Variants in B3GLCT observed in about 807,000 individuals in gnomAD.
B3GLCT encodes the protein beta 3-glucosyltransferase, also known as beta-1,3-glucosyltransferase.
A neutral mutation model predicts 63.4 loss-of-function variants in B3GLCT; 65 were observed. The observed-to-expected ratio is 1.03, with a 90% CI of 0.84 to 1.26. The LOEUF (loss-of-function observed/expected upper bound fraction) is 1.26. Ranked by LOEUF, B3GLCT falls within the 50% of genes most tolerant of loss-of-function variation. The pLI, the probability that B3GLCT is intolerant of heterozygous loss-of-function variation, is 0.00. For missense variants in B3GLCT, 577 were observed against 604.8 expected, an observed-to-expected ratio of 0.95 and a Z score of 0.48; for synonymous variants, 233 against 219.2, an observed-to-expected ratio of 1.06 and a Z score of -0.55.
intron 1 of B3GLCT, among the ~76,000 whole-genome samples, chr13:31,206,765 G>A (rs947885405): frequency 2.0e-5 from 3 of 151,994 alleles, no homozygotes; most frequent in Admixed American, 2.0e-4. Flanking sequence ...AAAGATGATC[G>A]GTGGTTGTTT....
chr13:31,257,044 A>G (rs968320143), intron 6 of B3GLCT, among the ~76,000 whole-genome samples: 2 of 152,220 alleles, frequency 1.3e-5, no homozygotes, highest in Non-Finnish European at 2.9e-5. Flanking sequence ...GAGTGGCTCT[A>G]TGCATAGATT....
chr13:31,324,563 A>G (rs527985744), intron 14 of B3GLCT, among the ~76,000 whole-genome samples: 61 of 152,188 alleles, frequency 4.0e-4, no homozygotes, highest in Non-Finnish European at 8.2e-4. Context: ...TCTTTTAAGA[A>G]TAATAGCAGT....
intron 2 of B3GLCT, among the ~76,000 whole-genome samples, chr13:31,220,536 A>G (rs1260519264): frequency 6.6e-6 from 1 of 152,256 alleles, no homozygotes; most frequent in Non-Finnish European, 1.5e-5. Flanking sequence ...TTTAGGAAGA[A>G]CTAAGTCTTT....
intron 13 of B3GLCT, among the ~76,000 whole-genome samples, chr13:31,319,987 A>G (rs1875255633): frequency 1.3e-5 from 2 of 151,778 alleles, no homozygotes; most frequent in South Asian, 4.2e-4. Flanking sequence ...TATTTCCTAA[A>G]TCTCTCTTCC....
At chr13:31,280,914 A>T (rs1308915240) in intron 10 of B3GLCT, among the ~76,000 whole-genome samples, 1 of 152,206 alleles carries the variant, frequency 6.6e-6, no homozygotes, top group East Asian at 1.9e-4. Context: ...GAAACTTGAG[A>T]ACTGTTACAT....
chr13:31,255,666 G>A (rs1871700973), intron 6 of B3GLCT, among the ~76,000 whole-genome samples: 1 of 152,144 alleles, frequency 6.6e-6, no homozygotes, highest in Non-Finnish European at 1.5e-5. Flanking sequence ...ACAACCATCT[G>A]ATCTTTGACA....
intron 1 of B3GLCT, among the ~76,000 whole-genome samples, chr13:31,202,861 A>G (rs9529006): frequency 0.39 from 59,030 of 152,034 alleles, 11,968 homozygotes; most frequent in East Asian, 0.51. Context: ...ATGGTAGAAG[A>G]GAAAGATAGA....
rs371904655 is a variant in B3GLCT at position 31,317,565 on chromosome 13, G to C, written c.1065-1G>C. On this transcript the variant is annotated splice_acceptor_variant, in intron 12 of 14. Coordinates refer to ENST00000343307, the MANE Select transcript of B3GLCT (RefSeq NM_194318.4). LOFTEE classifies it high-confidence loss of function. ...GATTTGTGTTCCCTTTGGCATCTCA[G>C]TATCTCCAGGCTCCAGCACTTGCTT... 3.1e-6 allele frequency: 5 copies of C among 1,613,844 alleles called. No homozygotes were observed. In the African/African-American group the frequency reaches 5.3e-5, roughly 17 times the overall value.
At chr13:31,225,768 C>T (rs1396459053) in intron 3 of B3GLCT, among the ~76,000 whole-genome samples, 1 of 152,118 alleles carries the variant, frequency 6.6e-6, no homozygotes, top group Non-Finnish European at 1.5e-5. Context: ...TTTTTTCCCC[C>T]ATCTTCGGGA....
chr13:31,316,434 T>A (rs1333423987), intron 12 of B3GLCT, among the ~76,000 whole-genome samples: 1,683 of 110,458 alleles, frequency 0.015, 54 homozygotes, highest in East Asian at 0.048. Context: ...TATATATAAA[T>A]TTTTTTTTTT....
chr13:31,252,296 A>G (rs1305377049), intron 6 of B3GLCT, among the ~76,000 whole-genome samples: 3 of 152,236 alleles, frequency 2.0e-5, no homozygotes, highest in Non-Finnish European at 4.4e-5. Flanking sequence ...GATGCTATGA[A>G]GAAACTGCAT....
chr13:31,273,093 T>C (rs1872640202), intron 8 of B3GLCT, among the ~76,000 whole-genome samples: 1 of 152,224 alleles, frequency 6.6e-6, no homozygotes, highest in Non-Finnish European at 1.5e-5. Context: ...CTTTTTTCTT[T>C]CTTTGTTTTT....
intron 10 of B3GLCT, among the ~76,000 whole-genome samples, chr13:31,278,139 A>G (rs4943296): frequency 0.62 from 94,864 of 151,876 alleles, 31,196 homozygotes; most frequent in South Asian, 0.75. Flanking sequence ...TGGAGTAGTG[A>G]TTGTTTTCAC....
chr13:31,215,721 A>G (rs1319759059), intron 2 of B3GLCT, among the ~76,000 whole-genome samples: 2 of 152,104 alleles, frequency 1.3e-5, no homozygotes, highest in East Asian at 3.9e-4. Flanking sequence ...GCCCAGTCTT[A>G]CCAAATATCT....
At chr13:31,234,633 G>A (rs1443182260) in intron 4 of B3GLCT, among the ~76,000 whole-genome samples, 3 of 152,112 alleles carry the variant, frequency 2.0e-5, no homozygotes, top group African/African-American at 2.4e-5. Context: ...GTGGCAGTGT[G>A]GGCCACAGGC....
chr13:31,310,965 G>T (rs1256486712), intron 12 of B3GLCT, among the ~76,000 whole-genome samples: 1 of 152,222 alleles, frequency 6.6e-6, no homozygotes, highest in Non-Finnish European at 1.5e-5. Context: ...TGCCTGCCAG[G>T]CTTAATGGGC....
At chr13:31,284,557 C>A in intron 10 of B3GLCT, 91 bp from the exon 11 acceptor site, 1 of 782,336 alleles carries the variant, frequency 1.3e-6, no homozygotes, top group South Asian at 1.4e-5. Context: ...TAATGTTTCT[C>A]TTCCTTTGTA....
intron 12 of B3GLCT, among the ~76,000 whole-genome samples, chr13:31,295,664 C>T (rs1268556151): frequency 6.6e-6 from 1 of 152,206 alleles, no homozygotes; most frequent in Admixed American, 6.5e-5. Flanking sequence ...TGCCCCTCCC[C>T]CCACCAAGCT....
At chr13:31,235,951 A>G (rs995315255) in intron 4 of B3GLCT, among the ~76,000 whole-genome samples, 3 of 152,164 alleles carry the variant, frequency 2.0e-5, no homozygotes, top group African/African-American at 7.2e-5. Context: ...GTCACTTACT[A>G]ATGCCTTCAG....
Sources: allele counts gnomAD v4.1 joint callset (sites outside exome capture counted in the v4.1 genomes callset), GRCh38; gene constraint gnomAD v4.1.1; transcripts MANE v1.5; gene names NCBI Gene and HGNC (gene_info 2026-07-23, HGNC 2026-07-21).